Variants in HVCN1 observed in about 807,000 individuals in gnomAD.
HVCN1 encodes voltage-gated hydrogen channel 1.
In HVCN1, 14 loss-of-function variants were observed where a neutral mutation model predicts 29.2. The observed-to-expected ratio is 0.48, with a 90% CI of 0.32 to 0.75. HVCN1 has a LOEUF of 0.75. HVCN1 is among the 30% of genes least tolerant of loss of function. HVCN1 has a pLI of 0.04. For synonymous variants in HVCN1, 131 were observed against 133.2 expected, an observed-to-expected ratio of 0.98 and a Z score of 0.11; for missense variants, 263 against 341.8, an observed-to-expected ratio of 0.77 and a Z score of 1.82.
chr12:110,689,369 A>T, upstream of HVCN1: 1 of 150,562 alleles, frequency 6.6e-6, no homozygotes. The surrounding 1 kb of genome is among the most constrained non-coding windows in gnomAD (Gnocchi z 5.7). Flanking sequence ...GGCCTCCCGC[A>T]GTTACAAAGG....
In HVCN1 at chr12:110,676,731, A is replaced by T. The variant is rs2068761982; in HGVS notation, c.21+6494T>A. 6.6e-6 allele frequency among the ~76,000 whole-genome samples: 1 copy of T among 152,086 alleles called. No homozygotes were observed. The highest frequency in any genetic ancestry group is 1.9e-4 in the East Asian group (1 of 5,170). ...CCCCAACCCAGGAGAGGGCTCTGGA[A>T]GCTTGTGCCAGGTTTTTTCTGAACT... On this transcript the variant is annotated intron_variant, in intron 3 of 7. Transcript: ENST00000242607. This position sits in a 1 kb window ranked among gnomAD's most constrained non-coding sequence, Gnocchi z 4.1.
intron 2 of HVCN1, among the ~76,000 whole-genome samples, chr12:110,687,203 C>A (rs2136467684): frequency 6.6e-6 from 1 of 150,744 alleles, no homozygotes; most frequent in African/African-American, 2.4e-5. Context: ...GGTAGACTGA[C>A]ATGTTACCTG....
In HVCN1 at chr12:110,661,418, C is replaced by T. The variant is rs376751024; in HGVS notation, c.52G>A (p.Ala18Thr). The T allele has an allele frequency of 1.9e-5, 31 of 1,614,182 alleles. No individual in the cohort carries two copies. Among genetic ancestry groups the T allele is most frequent in the African/African-American group, 1.3e-4 (10 of 75,064 alleles). ...AVTRRAKVAPAERMSKFLRHF... is the reference protein window; with the variant it reads ...AVTRRAKVAPTERMSKFLRHF... Reference sequence around the variant, plus strand: ...CTTAAGAACTTGCTCATCCTCTCAGCGGGAGCCACCTTGGCCCTGCGGGTG... The same window carrying T: ...CTTAAGAACTTGCTCATCCTCTCAGTGGGAGCCACCTTGGCCCTGCGGGTG... The change falls in exon 4 of 8, where the codon GCT becomes ACT. Residue 18 changes from alanine to threonine, a missense_variant. By Grantham distance (58) the Ala-to-Thr change is moderately conservative (BLOSUM62 0). Around this residue, in one of 3 missense-constraint regions of HVCN1, gnomAD observed 157 missense variants for 181.3 expected, o/e 0.87. Coordinates refer to ENST00000242607, the MANE Select transcript of HVCN1 (RefSeq NM_032369.4). This position sits in a 1 kb window ranked among gnomAD's most constrained non-coding sequence, Gnocchi z 6.2.
chr12:110,673,442 GA>G (rs1402798473), intron 3 of HVCN1, among the ~76,000 whole-genome samples: 5 of 152,128 alleles, frequency 3.3e-5, no homozygotes, highest in African/African-American at 1.2e-4. Context: ...TGATAGAAAA[GA>G]AAAACCCATT....
chr12:110,693,819 A>G (rs1456922284), upstream of HVCN1, among the ~76,000 whole-genome samples: 1 of 152,224 alleles, frequency 6.6e-6, no homozygotes, highest in Non-Finnish European at 1.5e-5. Context: ...GTTCTGTTTT[A>G]TGCATTGAAA....
rs1237807968 is a variant in HVCN1, at chr12:110,683,148, T to C, written c.21+77A>G. The C allele has an allele frequency of 8.8e-6, 14 of 1,597,930 alleles. 1 individual carries two copies. Among genetic ancestry groups the C allele is most frequent in the East Asian group, 4.5e-5 (2 of 44,784 alleles). Reference sequence around the variant, plus strand: ...CCTGAACAGGGAGTTCTCCCTCTCCTGTTTGAAACACCAAACAGAATTATC... The same window carrying C: ...CCTGAACAGGGAGTTCTCCCTCTCCCGTTTGAAACACCAAACAGAATTATC... On this transcript the variant is annotated intron_variant, in intron 3 of 7. Transcript: ENST00000242607.
Position 110,676,705 on chromosome 12 carries a change from C to A in HVCN1, c.21+6520G>T, listed in dbSNP as rs546483124. Among the ~76,000 whole-genome samples, 1 of 152,130 alleles carries A rather than the reference C, an allele frequency of 6.6e-6. No homozygotes were observed. Among genetic ancestry groups the A allele is most frequent in the Non-Finnish European group, 1.5e-5 (1 of 68,030 alleles). ...ATAAGTGTGACCCCAAGGACCTCTGCCCCCAACCCAGGAGAGGGCTCTGGA... is the reference window on the plus strand; with the variant it reads ...ATAAGTGTGACCCCAAGGACCTCTGACCCCAACCCAGGAGAGGGCTCTGGA... On this transcript the variant is annotated intron_variant, in intron 3 of 7. Coordinates refer to ENST00000242607, the MANE Select transcript of HVCN1 (RefSeq NM_032369.4). This position sits in a 1 kb window ranked among gnomAD's most constrained non-coding sequence, Gnocchi z 4.1.
chr12:110,656,031 A>T (rs796473069), intron 4 of HVCN1, among the ~76,000 whole-genome samples: 45 of 152,182 alleles, frequency 3.0e-4, no homozygotes, highest in African/African-American at 9.4e-4. Context: ...GTTCCTGGGG[A>T]CTGCTGTTGC....
At chr12:110,670,822 T>C (rs2068550674) in intron 3 of HVCN1, among the ~76,000 whole-genome samples, 1 of 152,078 alleles carries the variant, frequency 6.6e-6, no homozygotes, top group African/African-American at 2.4e-5. Context: ...TCTTTGCAGA[T>C]GTAACTAAAG....
At chr12:110,679,896 G>A (rs896210231) in intron 3 of HVCN1, among the ~76,000 whole-genome samples, 4 of 152,092 alleles carry the variant, frequency 2.6e-5, no homozygotes, top group South Asian at 2.1e-4. Context: ...GAAGCTTTGG[G>A]AGGTGGCAGG....
At chr12:110,651,996 C>T (rs1265522539) in intron 5 of HVCN1, among the ~76,000 whole-genome samples, 2 of 152,204 alleles carry the variant, frequency 1.3e-5, no homozygotes, top group East Asian at 1.9e-4. Flanking sequence ...AGCAAGACCC[C>T]ATCTCTAAAA....
At chr12:110,655,052 C>T (rs905373477) in intron 5 of HVCN1, among the ~76,000 whole-genome samples, 182 bp downstream of exon 5, 3 of 152,068 alleles carry the variant, frequency 2.0e-5, no homozygotes, top group Admixed American at 6.6e-5. Flanking sequence ...TGTGAAACAA[C>T]GTTTCCTGCT....
intron 4 of HVCN1, among the ~76,000 whole-genome samples, chr12:110,660,143 G>A (rs1232414104): frequency 6.6e-6 from 1 of 152,040 alleles, no homozygotes; most frequent in African/African-American, 2.4e-5. Flanking sequence ...TTGGGAGGCT[G>A]AGGTGGGTGG....
Position 110,658,216 on chromosome 12 carries a change from T to G in HVCN1, c.307-2878A>C, listed in dbSNP as rs140027261. Among the ~76,000 whole-genome samples the G allele has an allele frequency of 6.6e-6, 1 of 151,826 alleles. No individual in the cohort carries two copies. Among genetic ancestry groups the G allele is most frequent in the Non-Finnish European group, 1.5e-5 (1 of 67,952 alleles). ...ATCCCATGTAAGAAGGGACCTCAAT[T>G]AACTATTAATATATCAAGCACCTTG... On this transcript the variant is annotated intron_variant, in intron 4 of 7. Coordinates refer to ENST00000242607, the MANE Select transcript of HVCN1 (RefSeq NM_032369.4). This position sits in a 1 kb window ranked among gnomAD's most constrained non-coding sequence, Gnocchi z 5.0.
chr12:110,701,883 A>AC (rs1555241188), intron 2 of HVCN1, among the ~76,000 whole-genome samples: 1 of 149,794 alleles, frequency 6.7e-6, no homozygotes, highest in African/African-American at 2.5e-5. Flanking sequence ...AACAAGAACA[A>AC]AACAACAACA....
chr12:110,655,401 CATT>C (rs950557646), intron 4 of HVCN1, 63 bp from the exon 5 acceptor site: 2 of 1,281,344 alleles, frequency 1.6e-6, no homozygotes, highest in Non-Finnish European at 2.3e-6. Flanking sequence ...CCTCTCCCAT[CATT>C]AAGAGCTGGC....
chr12:110,664,373 T>C (rs1188260550), intron 3 of HVCN1, among the ~76,000 whole-genome samples: 1 of 152,168 alleles, frequency 6.6e-6, no homozygotes, highest in Non-Finnish European at 1.5e-5. Flanking sequence ...AAGAAAGATA[T>C]GGAAGAATAA....
chr12:110,651,078 A>G, intron 6 of HVCN1, 139 bp downstream of exon 6: 1 of 631,034 alleles, frequency 1.6e-6, no homozygotes, highest in Non-Finnish European at 2.8e-6. Context: ...GAGGAGAGGG[A>G]GGTGAGGGGG....
chr12:110,666,090 G>T (rs1040294835), intron 3 of HVCN1, among the ~76,000 whole-genome samples: 7 of 151,732 alleles, frequency 4.6e-5, no homozygotes, highest in African/African-American at 1.7e-4. Flanking sequence ...AAAATCACTG[G>T]ATGGGCTTAA....
Sources: gnomAD v4.1 joint callset for allele counts (sites outside exome capture counted in the v4.1 genomes callset) on GRCh38, gnomAD v4.1.1 for gene constraint, gnomAD v4.1.1 regional missense constraint, Gnocchi (gnomAD v3.1) non-coding constraint, MANE v1.5 for transcripts, NCBI Gene and HGNC (gene_info 2026-07-23, HGNC 2026-07-21) for gene names.